The following FREM1 variants were observed in gnomAD, a reference collection of about 807,000 sequenced individuals.
FREM1 encodes FRAS1-related extracellular matrix protein 1.
In FREM1, 220 loss-of-function variants were observed where a neutral mutation model predicts 210.1. The ratio of observed to expected loss-of-function variants is 1.05; its 90% CI spans 0.94 to 1.17. The LOEUF is 1.17. FREM1 is among the 50% of genes most tolerant of loss of function. The pLI, the probability that FREM1 is intolerant of heterozygous loss-of-function variation, is 0.00. For synonymous variants in FREM1, 1,189 were observed against 980.2 expected, an observed-to-expected ratio of 1.21 and a Z score of -3.98; for missense variants, 3,454 against 2,675.5, an observed-to-expected ratio of 1.29 and a Z score of -6.42.
rs1371248298 is a variant in FREM1 at position 14,859,285 on chromosome 9, T to C, written c.529A>G (p.Thr177Ala). Reference protein sequence around the residue: ...ASLECTVSLDTARTRLPAHGQ... With the variant: ...ASLECTVSLDAARTRLPAHGQ... ...TGGGCTGGCAGCCGAGTTCTCGCAGTGTCCAGGCTGACGGTACATTCCAGG... is the reference window on the plus strand; with the variant it reads ...TGGGCTGGCAGCCGAGTTCTCGCAGCGTCCAGGCTGACGGTACATTCCAGG... Residue 177 changes from threonine to alanine, a missense_variant, in exon 4 of 37, where the codon ACT (threonine) becomes GCT (alanine). Coordinates refer to ENST00000380880, the MANE Select transcript of FREM1 (RefSeq NM_001379081.2). The C allele has an allele frequency of 9.9e-6, 16 of 1,613,814 alleles. No individual in the cohort carries two copies. The East Asian group carries it at 3.6e-4, about 36-fold the overall frequency.
intron 1 of FREM1, among the ~76,000 whole-genome samples, chr9:14,878,294 C>T (rs1461087863): frequency 1.3e-5 from 2 of 152,034 alleles, no homozygotes; most frequent in African/African-American, 4.8e-5. Flanking sequence ...AATATCTTTG[C>T]TTTTCCTCAA....
At chr9:14,860,707 A>ACATATATATG (rs1564100529) in intron 3 of FREM1, among the ~76,000 whole-genome samples, 4,103 of 79,204 alleles carry the variant, frequency 0.052, 726 homozygotes, top group African/African-American at 0.19. Flanking sequence ...ACATATATAC[A>ACATATATATG]CACATATATA....
chr9:14,880,601 CAAA>C (rs35625770), intron 1 of FREM1, among the ~76,000 whole-genome samples: 4,983 of 75,520 alleles, frequency 0.066, 108 homozygotes, highest in East Asian at 0.16. Context: ...GAGACTGTCT[CAAA>C]AAAAAAAAAA....
intron 21 of FREM1, among the ~76,000 whole-genome samples, chr9:14,794,751 G>C (rs959996351): frequency 3.3e-5 from 5 of 152,144 alleles, no homozygotes; most frequent in Admixed American, 3.3e-4. Context: ...TGTAATCCCA[G>C]CACTTTTGGA....
chr9:14,753,573 A>G (rs1843748817), intron 29 of FREM1, among the ~76,000 whole-genome samples: 1 of 152,196 alleles, frequency 6.6e-6, no homozygotes, highest in African/African-American at 2.4e-5. Context: ...GCTCCCACGT[A>G]AGAGTTCTCA....
chr9:14,744,293 T>C (rs1842049051), intron 35 of FREM1, among the ~76,000 whole-genome samples: 1 of 152,084 alleles, frequency 6.6e-6, no homozygotes. Flanking sequence ...TTTTTAAATA[T>C]TCAATTTGAT....
intron 16 of FREM1, among the ~76,000 whole-genome samples, chr9:14,808,465 T>C (rs903871796): frequency 3.3e-5 from 5 of 152,200 alleles, no homozygotes; most frequent in African/African-American, 1.2e-4. Context: ...TCTTCCCTTA[T>C]AATCATTTCA....
intron 14 of FREM1, 31 bp downstream of exon 14, chr9:14,819,203 T>C (rs768823941): frequency 1.9e-5 from 28 of 1,489,230 alleles, no homozygotes; most frequent in Non-Finnish European, 2.4e-5. Context: ...AACTAAAGCA[T>C]GTAAATAAAA....
At chr9:14,829,668 C>T (rs887824194) in intron 10 of FREM1, among the ~76,000 whole-genome samples, 3 of 152,166 alleles carry the variant, frequency 2.0e-5, no homozygotes, top group Non-Finnish European at 4.4e-5. Flanking sequence ...TGATCTTGGA[C>T]TTCCCAGCCT....
chr9:14,869,969 TAG>T (rs942928745), intron 1 of FREM1, among the ~76,000 whole-genome samples: 14 of 152,334 alleles, frequency 9.2e-5, no homozygotes, highest in African/African-American at 2.9e-4. Context: ...CTTGCACAAA[TAG>T]AGTCTTTGTT....
chr9:14,762,102 A>G (rs1845602632), intron 27 of FREM1, among the ~76,000 whole-genome samples: 1 of 152,196 alleles, frequency 6.6e-6, no homozygotes, highest in African/African-American at 2.4e-5. Flanking sequence ...GTGTGCCTAA[A>G]GAATTACAAG....
intron 1 of FREM1, among the ~76,000 whole-genome samples, chr9:14,906,863 C>T (rs1360714629): frequency 1.3e-5 from 2 of 152,174 alleles, no homozygotes; most frequent in Non-Finnish European, 2.9e-5. Flanking sequence ...GGCTCAGTCG[C>T]TCCCTGGGCA....
intron 10 of FREM1, among the ~76,000 whole-genome samples, chr9:14,833,568 C>T (rs1472344209): frequency 6.6e-6 from 1 of 152,140 alleles, no homozygotes; most frequent in African/African-American, 2.4e-5. Context: ...TAAGTCATAA[C>T]CTAATTAAGG....
At chr9:14,858,062 C>T (rs1829115505) in intron 4 of FREM1, among the ~76,000 whole-genome samples, 1 of 152,186 alleles carries the variant, frequency 6.6e-6, no homozygotes. Context: ...TGCAGGCCTT[C>T]CACAGTCTAG....
intron 31 of FREM1, 116 bp downstream of exon 31, chr9:14,748,285 C>G: frequency 1.5e-6 from 1 of 656,344 alleles, no homozygotes; most frequent in South Asian, 2.1e-5. Flanking sequence ...ACCATGGCCC[C>G]CACTCACTAT....
chr9:14,909,884 T>C (rs1377844518), intron 1 of FREM1, 30 bp downstream of exon 1: 2 of 152,200 alleles, frequency 1.3e-5, no homozygotes, highest in East Asian at 3.9e-4. Context: ...ACAGTCACAA[T>C]GAAAAGAAAC....
chr9:14,750,109 T>C lies in FREM1; in HGVS notation c.5557+18A>G, dbSNP rs756105310. The stretch of plus-strand genomic sequence containing the variant: ...GCCAGGACCGCTCCTGATTTCAAGA[T>C]GAGGATCAAAAGAATACCTCCTTTT... On this transcript the variant is annotated intron_variant, in intron 30 of 36. Transcript: ENST00000380880. 6.2e-7 allele frequency: 1 copy of C among 1,612,594 alleles called. No homozygotes were observed. The highest frequency in any genetic ancestry group is 1.1e-5 in the South Asian group (1 of 90,592).
At position 14,775,910 on chromosome 9, in the gene FREM1, T is replaced by C. The variant is rs778561079; in HGVS notation, c.4736A>G (p.Tyr1579Cys). ...QQDVDSKNVAYRHSGGDSQTD... is the reference protein window; with the variant it reads ...QQDVDSKNVACRHSGGDSQTD... ...CTGGGAGTCCCCTCCTGAGTGCCGA[T>C]AGGCCACATTCTTGCTGTCCACATC... Residue 1579 changes from tyrosine to cysteine, a missense_variant, in exon 25 of 37, where the codon TAT becomes TGT. Coordinates refer to ENST00000380880, the MANE Select transcript of FREM1 (RefSeq NM_001379081.2). The C allele has an allele frequency of 1.4e-5, 22 of 1,613,894 alleles. No individual in the cohort carries two copies. The highest frequency in any genetic ancestry group is 6.7e-5 in the East Asian group (3 of 44,880).
intron 28 of FREM1, among the ~76,000 whole-genome samples, chr9:14,757,612 C>A (rs1844653866): frequency 6.6e-6 from 1 of 152,046 alleles, no homozygotes; most frequent in African/African-American, 2.4e-5. Flanking sequence ...CAAATGAGAA[C>A]CGTGTGCAAG....
Sources: allele counts gnomAD v4.1 joint callset (sites outside exome capture counted in the v4.1 genomes callset), GRCh38; gene constraint gnomAD v4.1.1; transcripts MANE v1.5; gene names NCBI Gene and HGNC (gene_info 2026-07-23, HGNC 2026-07-21).